CHD9: variants seen among roughly 807,000 people sequenced by gnomAD.
CHD9 encodes the protein chromodomain helicase DNA binding protein 9.
In CHD9, 77 loss-of-function variants were observed where a neutral mutation model predicts 316.1. The observed-to-expected ratio is 0.24, with a 90% CI of 0.20 to 0.29. The LOEUF (loss-of-function observed/expected upper bound fraction) is 0.29. CHD9 is among the 10% of genes least tolerant of loss of function. CHD9 has a pLI of 1.00. For synonymous variants in CHD9, 1,129 were observed against 1,158.3 expected (o/e 0.97, Z 0.51); for missense variants, 2,763 against 3,438.1 (o/e 0.80, Z 4.91).
chr16:53,110,010 G>A (rs188762081), intron 1 of CHD9, among the ~76,000 whole-genome samples: 112 of 152,144 alleles, frequency 7.4e-4, no homozygotes, highest in African/African-American at 2.5e-3. Flanking sequence ...ATTGAAGAAC[G>A]AGAAATTCTA....
At chr16:53,313,361 A>G (rs930868687) in intron 34 of CHD9, among the ~76,000 whole-genome samples, 1 of 152,056 alleles carries the variant, frequency 6.6e-6, no homozygotes, top group African/African-American at 2.4e-5. Context: ...GCTGGAGTGC[A>G]GTGGCATGAT....
At chr16:53,301,666 AT>A (rs1010854831) in intron 30 of CHD9, among the ~76,000 whole-genome samples, 1 of 151,292 alleles carries the variant, frequency 6.6e-6, no homozygotes, top group African/African-American at 2.4e-5. Flanking sequence ...TTTTTTTCAA[AT>A]TTTTTTGTTT....
intron 27 of CHD9, among the ~76,000 whole-genome samples, chr16:53,289,638 T>A (rs376871537): frequency 1.3e-5 from 2 of 152,180 alleles, no homozygotes; most frequent in African/African-American, 4.8e-5. Flanking sequence ...TTAATTATAC[T>A]ATAGTAATAG....
intron 1 of CHD9, among the ~76,000 whole-genome samples, chr16:53,136,804 A>G (rs2039747937): frequency 6.6e-6 from 1 of 152,092 alleles, no homozygotes; most frequent in Non-Finnish European, 1.5e-5. Context: ...CTTTCCTTAT[A>G]TTCTTTTCTA....
chr16:53,262,570 T>C (rs998912246), intron 19 of CHD9, among the ~76,000 whole-genome samples: 5 of 152,194 alleles, frequency 3.3e-5, no homozygotes, highest in African/African-American at 1.2e-4. Flanking sequence ...GATATTACTA[T>C]CTGAAAATGT....
chr16:53,205,910 C>T (rs1372736986), intron 2 of CHD9, among the ~76,000 whole-genome samples: 2 of 152,096 alleles, frequency 1.3e-5, no homozygotes, highest in African/African-American at 4.8e-5. Flanking sequence ...ACTTGTTATA[C>T]ACACATACAC....
Position 53,318,130 on chromosome 16 carries a change from C to T in CHD9, c.7585-82C>T. ...CCAAAAGGTAAATGCTATTAAATTACTTGGATCAGCTCATTTTAATATTTT... is the reference window on the plus strand; with the variant it reads ...CCAAAAGGTAAATGCTATTAAATTATTTGGATCAGCTCATTTTAATATTTT... On this transcript the variant is annotated intron_variant, in intron 36 of 38. Transcript: ENST00000447540. 3.6e-6 allele frequency: 4 copies of T among 1,096,080 alleles called. No homozygotes were observed. The South Asian group carries it at 5.5e-5, about 15-fold the overall frequency. The allele number at this position is 1,096,080 out of a possible 1,614,324, so 67.9% of individuals were successfully genotyped here.
chr16:53,236,210 C>T lies in CHD9; in HGVS notation c.2633+904C>T, dbSNP rs116692853. The stretch of plus-strand genomic sequence containing the variant: ...CCTCATCAGTACCCTTTCCCATCTC[C>T]TATATTGCCTGTTTTAACTTTTCAC... On this transcript the variant is annotated intron_variant, in intron 11 of 38. Coordinates refer to ENST00000447540, the MANE Select transcript of CHD9 (RefSeq NM_001308319.2). 4.9e-3 allele frequency among the ~76,000 whole-genome samples: 740 copies of T among 152,178 alleles called. 4 individuals are homozygous for T. The highest frequency in any genetic ancestry group is 0.017 in the African/African-American group (705 of 41,524).
At position 53,094,701 on chromosome 16, in the gene CHD9, G is replaced by A. The variant is rs1255992254; in HGVS notation, c.-165+39624G>A. On this transcript the variant is annotated intron_variant, in intron 1 of 38. Coordinates refer to ENST00000447540, the MANE Select transcript of CHD9 (RefSeq NM_001308319.2). The stretch of plus-strand genomic sequence containing the variant: ...GTCGCCCAGGCTGGAGTGCAATGGT[G>A]TGATCTTGGCTCACTGAAACCTCTG... Among the ~76,000 whole-genome samples the A allele has an allele frequency of 2.9e-4, 43 of 146,918 alleles. No individual in the cohort carries two copies. In the Admixed American group the frequency reaches 3.0e-3, roughly 10 times the overall value.
chr16:53,282,756 A>T (rs567165033), intron 24 of CHD9, among the ~76,000 whole-genome samples: 1 of 152,298 alleles, frequency 6.6e-6, no homozygotes, highest in South Asian at 2.1e-4. Flanking sequence ...GATATACCAT[A>T]GTGCTTACCT....
chr16:53,242,428 T>A (rs551252170), intron 12 of CHD9, among the ~76,000 whole-genome samples: 1 of 152,308 alleles, frequency 6.6e-6, no homozygotes, highest in African/African-American at 2.4e-5. Context: ...CTGAATAAAG[T>A]ATTTGGATGG....
intron 1 of CHD9, among the ~76,000 whole-genome samples, chr16:53,098,475 C>CAA (rs35249810): frequency 1.0e-4 from 11 of 105,646 alleles, no homozygotes; most frequent in Non-Finnish European, 2.0e-4. Flanking sequence ...GACTCCGTCT[C>CAA]AAAAAAAAAA....
At chr16:53,177,375 A>G (rs373919579) in intron 2 of CHD9, among the ~76,000 whole-genome samples, 24 of 152,218 alleles carry the variant, frequency 1.6e-4, no homozygotes, top group East Asian at 5.8e-4. Flanking sequence ...TTTAAAAGTA[A>G]TGATTTGTTT....
intron 1 of CHD9, among the ~76,000 whole-genome samples, chr16:53,100,960 T>G (rs1041434262): frequency 6.6e-6 from 1 of 152,218 alleles, no homozygotes; most frequent in African/African-American, 2.4e-5. Flanking sequence ...CTATATAATA[T>G]TTTCTCTAGA....
At position 53,263,011 on chromosome 16, in the gene CHD9, C is replaced by A. The variant is rs749086728; in HGVS notation, c.4234C>A (p.Arg1412=). ...AKASFVASGN[R]TDISLDDPNF... ...GGCGAGTTTTGTGGCATCTGGAAACCGGACAGATATTTCTTTAGATGATCC... is the reference window on the plus strand; with the variant it reads ...GGCGAGTTTTGTGGCATCTGGAAACAGGACAGATATTTCTTTAGATGATCC... The change falls in exon 20 of 39, where the codon CGG becomes AGG. Residue 1412 remains arginine (R), a synonymous_variant. Coordinates refer to ENST00000447540, the MANE Select transcript of CHD9 (RefSeq NM_001308319.2). The A allele has an allele frequency of 1.9e-6, 3 of 1,612,090 alleles. No individual in the cohort carries two copies. The highest frequency in any genetic ancestry group is 2.2e-5 in the East Asian group (1 of 44,802).
intron 24 of CHD9, 28 bp downstream of exon 24, chr16:53,274,330 G>A: frequency 2.1e-6 from 3 of 1,417,488 alleles, no homozygotes; most frequent in Non-Finnish European, 2.9e-6. Flanking sequence ...TATTATTTTT[G>A]TTTGTTTGTT....
chr16:53,199,016 ACTT>A (rs1437421181), intron 2 of CHD9, among the ~76,000 whole-genome samples: 1 of 151,484 alleles, frequency 6.6e-6, no homozygotes, highest in African/African-American at 2.4e-5. Context: ...TTGCCACCAA[ACTT>A]TTTTTTTTTT....
chr16:53,147,797 T>A (rs936328784), intron 1 of CHD9, among the ~76,000 whole-genome samples: 1 of 152,248 alleles, frequency 6.6e-6, no homozygotes, highest in Non-Finnish European at 1.5e-5. Context: ...TGAGTGTTCA[T>A]GTACAAGTTC....
intron 11 of CHD9, 26 bp from the exon 12 acceptor site, chr16:53,238,317 A>C (rs1203425690): frequency 1.3e-6 from 2 of 1,587,504 alleles, no homozygotes; most frequent in Non-Finnish European, 1.7e-6. Flanking sequence ...CAATGTATGC[A>C]TGGATAATGT....
Sources: gnomAD v4.1 joint callset for allele counts (sites outside exome capture counted in the v4.1 genomes callset) on GRCh38, gnomAD v4.1.1 for gene constraint, MANE v1.5 for transcripts, NCBI Gene and HGNC (gene_info 2026-07-23, HGNC 2026-07-21) for gene names.